The following C13orf46 variants were observed in gnomAD, a reference collection of about 807,000 sequenced individuals.
C13orf46 encodes chromosome 13 open reading frame 46.
chr13:113,931,956 A>G, the C13orf46 span, among the ~76,000 whole-genome samples: 1 of 149,646 alleles, frequency 6.7e-6, no homozygotes, highest in Admixed American at 6.7e-5. Flanking sequence ...CCGTCCCTCC[A>G]CCCTCCTGCT....
At chr13:113,941,764 C>T in the C13orf46 span, among the ~76,000 whole-genome samples, 7 of 152,216 alleles carry the variant, frequency 4.6e-5, no homozygotes, top group South Asian at 4.1e-4. Flanking sequence ...AAGGCAGCTG[C>T]GCAGGGTCCC....
At chr13:113,948,146 T>A in the C13orf46 span, among the ~76,000 whole-genome samples, 3 of 152,238 alleles carry the variant, frequency 2.0e-5, no homozygotes, top group East Asian at 1.9e-4. Flanking sequence ...GGCAATTTTT[T>A]AAAAAACTAA....
chr13:113,939,701 T>C, the C13orf46 span, among the ~76,000 whole-genome samples: 3 of 152,216 alleles, frequency 2.0e-5, no homozygotes, highest in Admixed American at 6.5e-5. Flanking sequence ...TGTCCAGCCC[T>C]GGAGATGTTG....
intron 1 of C13orf46, among the ~76,000 whole-genome samples, chr13:113,971,969 C>T (rs1200573346): frequency 1.3e-5 from 2 of 152,166 alleles, no homozygotes; most frequent in East Asian, 3.9e-4. Flanking sequence ...GGTGCTGGTG[C>T]CTGGGGGAGG....
chr13:113,944,085 C>A, the C13orf46 span, among the ~76,000 whole-genome samples: 733 of 152,282 alleles, frequency 4.8e-3, 6 homozygotes, highest in African/African-American at 0.017. Context: ...CCAGTCACCC[C>A]GGGATGGATC....
the C13orf46 span, chr13:113,927,571 G>A: frequency 2.5e-6 from 1 of 398,584 alleles, no homozygotes; most frequent in Non-Finnish European, 4.4e-6. Context: ...TACACTGATG[G>A]AGCGACCGTC....
At chr13:113,969,389 C>T (rs1215738446) in intron 2 of C13orf46, among the ~76,000 whole-genome samples, 2 of 152,248 alleles carry the variant, frequency 1.3e-5, no homozygotes, top group African/African-American at 4.8e-5. Context: ...CTCAACTGCC[C>T]TCACCAAGGC....
At chr13:113,952,452 C>G (rs940036745), downstream of C13orf46, among the ~76,000 whole-genome samples, 1,674 of 152,302 alleles carry the variant, frequency 0.011, 15 homozygotes, top group Middle Eastern at 0.051. Context: ...AAGGGGGCCA[C>G]CTCGGAGGTG....
At chr13:113,937,019 T>C in the C13orf46 span, among the ~76,000 whole-genome samples, 1 of 152,194 alleles carries the variant, frequency 6.6e-6, no homozygotes, top group African/African-American at 2.4e-5. Flanking sequence ...TCAATAGCTT[T>C]ACAAAGGCTG....
intron 1 of C13orf46, among the ~76,000 whole-genome samples, chr13:113,973,569 G>A (rs1371719470): frequency 1.3e-5 from 2 of 152,104 alleles, no homozygotes; most frequent in African/African-American, 2.4e-5. Flanking sequence ...CAGAACCGAC[G>A]TACCCCCTCA....
chr13:113,944,303 G>C, the C13orf46 span, among the ~76,000 whole-genome samples: 1 of 152,140 alleles, frequency 6.6e-6, no homozygotes, highest in East Asian at 1.9e-4. Context: ...CCCTCCAGTG[G>C]GCTTGCACCC....
At chr13:113,938,154 G>A in the C13orf46 span, among the ~76,000 whole-genome samples, 1 of 152,190 alleles carries the variant, frequency 6.6e-6, no homozygotes, top group Non-Finnish European at 1.5e-5. Flanking sequence ...GGATGTGGTT[G>A]CGGCCTCAAC....
At chr13:113,933,179 G>A in the C13orf46 span, among the ~76,000 whole-genome samples, 4 of 152,156 alleles carry the variant, frequency 2.6e-5, no homozygotes, top group Non-Finnish European at 5.9e-5. Context: ...GTTAATTGTT[G>A]TATGTGGTGT....
chr13:113,932,242 A>G, the C13orf46 span, among the ~76,000 whole-genome samples: 1 of 152,332 alleles, frequency 6.6e-6, no homozygotes, highest in South Asian at 2.1e-4. Context: ...CTTTCTGTGG[A>G]CGTTCCCAGA....
At chr13:113,945,522 C>T in the C13orf46 span, among the ~76,000 whole-genome samples, 20 of 138,506 alleles carry the variant, frequency 1.4e-4, no homozygotes, top group East Asian at 1.5e-3. Context: ...TCAGCCTGGG[C>T]GACAGAGCGA....
chr13:113,965,904 G>A (rs1363014175), intron 5 of C13orf46, among the ~76,000 whole-genome samples: 4 of 145,558 alleles, frequency 2.7e-5, no homozygotes, highest in African/African-American at 1.1e-4. Flanking sequence ...TGGTGATGAT[G>A]GCGATGGTGA....
the C13orf46 span, among the ~76,000 whole-genome samples, chr13:113,933,111 T>A: frequency 6.6e-6 from 1 of 152,188 alleles, no homozygotes. Flanking sequence ...ATGATCCACC[T>A]GCCTCAGCTT....
chr13:113,959,440 G>A (rs2052570541), intron 6 of C13orf46, among the ~76,000 whole-genome samples: 3 of 152,268 alleles, frequency 2.0e-5, no homozygotes, highest in East Asian at 3.9e-4. Context: ...AGGTTGAGCA[G>A]GTGCTTCCCC....
At chr13:113,935,840 C>A in the C13orf46 span, among the ~76,000 whole-genome samples, 7 of 152,242 alleles carry the variant, frequency 4.6e-5, no homozygotes, top group Non-Finnish European at 1.0e-4. Context: ...CAGCCCTGTG[C>A]CCCCAGGGGC....
Sources: gnomAD v4.1 joint callset for allele counts (sites outside exome capture counted in the v4.1 genomes callset) on GRCh38, gnomAD v4.1.1 for gene constraint, MANE v1.5 for transcripts, NCBI Gene and HGNC (gene_info 2026-07-23, HGNC 2026-07-21) for gene names.